Variants in DYNC2H1 observed in about 807,000 individuals in gnomAD.
DYNC2H1 encodes dynein cytoplasmic 2 heavy chain 1, also known as cytoplasmic dynein 2 heavy chain 1.
A neutral mutation model predicts 570.0 loss-of-function variants in DYNC2H1; 410 were observed. The observed-to-expected ratio is 0.72, with a 90% CI of 0.66 to 0.78. The LOEUF is 0.78. Ranked by LOEUF, DYNC2H1 falls within the 30% of genes least tolerant of loss-of-function variation. DYNC2H1 has a pLI of 0.00. For missense variants in DYNC2H1, 4,865 were observed against 5,046.4 expected (o/e 0.96, Z 1.09); for synonymous variants, 1,688 against 1,677.6 (o/e 1.01, Z -0.15).
At chr11:103,459,906 T>C (rs1944948215) in intron 87 of DYNC2H1, among the ~76,000 whole-genome samples, 1 of 137,784 alleles carries the variant, frequency 7.3e-6, no homozygotes, top group Middle Eastern at 3.6e-3. Flanking sequence ...GAGCCGAGAT[T>C]GCGCCACTGC....
chr11:103,301,423 G>C (rs1393990671), intron 75 of DYNC2H1, among the ~76,000 whole-genome samples: 2 of 151,884 alleles, frequency 1.3e-5, no homozygotes, highest in African/African-American at 2.4e-5. Flanking sequence ...AATTGGCCTA[G>C]ATGTTTATTG....
chr11:103,227,159 A>G (rs1287400949), intron 59 of DYNC2H1, among the ~76,000 whole-genome samples: 1 of 148,240 alleles, frequency 6.7e-6, no homozygotes, highest in African/African-American at 2.5e-5. Context: ...TATCTTTTGT[A>G]TTTTTTTTGT....
chr11:103,438,559 T>C (rs1437944003), intron 85 of DYNC2H1, among the ~76,000 whole-genome samples: 2 of 152,078 alleles, frequency 1.3e-5, no homozygotes, highest in East Asian at 3.9e-4. Flanking sequence ...TAGTTTAAGA[T>C]TTTAGGGTCT....
intron 88 of DYNC2H1, among the ~76,000 whole-genome samples, chr11:103,478,611 G>A (rs1481342884): frequency 3.3e-5 from 5 of 152,128 alleles, no homozygotes; most frequent in Non-Finnish European, 5.9e-5. Context: ...AGTTTCTTCT[G>A]CAAACAAATT....
At chr11:103,467,536 G>C (rs1011192331) in intron 87 of DYNC2H1, among the ~76,000 whole-genome samples, 3 of 151,390 alleles carry the variant, frequency 2.0e-5, no homozygotes, top group Admixed American at 6.6e-5. Context: ...GTTTTGTTTT[G>C]TTTTGTTTTG....
At chr11:103,296,297 A>C (rs1866822933) in intron 75 of DYNC2H1, among the ~76,000 whole-genome samples, 1 of 152,178 alleles carries the variant, frequency 6.6e-6, no homozygotes, top group Non-Finnish European at 1.5e-5. Flanking sequence ...CTCCTTCTTA[A>C]CTGTTGAGTC....
intron 34 of DYNC2H1, 93 bp from the exon 35 acceptor site, chr11:103,172,989 T>C: frequency 1.6e-6 from 1 of 621,804 alleles, no homozygotes; most frequent in South Asian, 5.9e-5. Context: ...GCATATTTTA[T>C]GTTTATAGTT....
chr11:103,165,327 C>T (rs2134941076), intron 30 of DYNC2H1, among the ~76,000 whole-genome samples: 1 of 152,218 alleles, frequency 6.6e-6, no homozygotes, highest in African/African-American at 2.4e-5. Context: ...CGGGGTTTCT[C>T]CATGTTAACC....
At position 103,286,395 on chromosome 11, in the gene DYNC2H1, T is replaced by C; in HGVS notation, c.11022+9T>C. 4.4e-6 allele frequency: 7 copies of C among 1,607,596 alleles called. No individual in the cohort carries two copies. The highest frequency in any genetic ancestry group is 5.9e-6 in the Non-Finnish European group (7 of 1,178,236). On this transcript the variant is annotated intron_variant, in intron 74 of 88. Coordinates refer to ENST00000375735, the MANE Select transcript of DYNC2H1 (RefSeq NM_001377.3). ...TTTCCTTATTTCAGCAGGTAAAATT[T>C]AGTGTTATCTAAATGCAAAAAAGTG...
At chr11:103,266,236 C>T (rs1865499937) in intron 70 of DYNC2H1, among the ~76,000 whole-genome samples, 1 of 152,080 alleles carries the variant, frequency 6.6e-6, no homozygotes, top group South Asian at 2.1e-4. Context: ...ACTAAATGGT[C>T]CCAGAGTGCC....
intron 13 of DYNC2H1, among the ~76,000 whole-genome samples, chr11:103,131,555 A>AT (rs1225905449): frequency 3.3e-5 from 5 of 150,840 alleles, no homozygotes; most frequent in African/African-American, 7.3e-5. Context: ...TTCTTTGGAT[A>AT]TTTTTTTTTC....
At chr11:103,180,377 A>G (rs12365377) in intron 39 of DYNC2H1, among the ~76,000 whole-genome samples, 7,520 of 151,736 alleles carry the variant, frequency 0.05, 251 homozygotes, top group Non-Finnish European at 0.071. Context: ...AAATTTATAC[A>G]ATTTATACAA....
chr11:103,163,027 G>A lies in DYNC2H1; in HGVS notation c.4492-1G>A. 2.5e-6 allele frequency: 4 copies of A among 1,607,732 alleles called. No homozygotes were observed. The highest frequency in any genetic ancestry group is 2.5e-6 in the Non-Finnish European group (3 of 1,176,646). On this transcript the variant is annotated splice_acceptor_variant, in intron 29 of 88. Transcript: ENST00000375735. LOFTEE classifies it high-confidence loss of function. This position sits in a 1 kb window ranked among gnomAD's most constrained non-coding sequence, Gnocchi z 4.6. ...ATATTATTTTCCAATTTCTTTTTCA[G>A]ACATGGTTGAATGATTTGGCCTTAG... is the stretch of plus-strand genomic sequence containing the variant.
chr11:103,123,101 A>C (rs1035642634), intron 11 of DYNC2H1, 101 bp downstream of exon 11: 1 of 978,738 alleles, frequency 1.0e-6, no homozygotes, highest in Non-Finnish European at 1.3e-6. Context: ...CAAACTTGCT[A>C]CTCCTCCTGT....
intron 84 of DYNC2H1, among the ~76,000 whole-genome samples, chr11:103,434,942 A>G (rs1382705247): frequency 6.6e-6 from 1 of 152,158 alleles, no homozygotes; most frequent in Non-Finnish European, 1.5e-5. Context: ...CTGGCATAGT[A>G]TCACTTTCTC....
At chr11:103,195,155 T>C (rs1456512852) in intron 47 of DYNC2H1, among the ~76,000 whole-genome samples, 1 of 152,224 alleles carries the variant, frequency 6.6e-6, no homozygotes, top group Non-Finnish European at 1.5e-5. Context: ...CTTTCACAGA[T>C]AAAAAGTTTT....
rs1388565914 is a variant in DYNC2H1 at position 103,113,624 on chromosome 11, A to G, written c.283A>G (p.Ile95Val). The change falls in exon 2 of 89, where the codon ATT (isoleucine) becomes GTT (valine). Residue 95 changes from isoleucine to valine, a missense_variant. Physicochemically the swap from Ile to Val is conservative, Grantham distance 29. Transcript: ENST00000375735. ...TACTGATGAGAATCTACATGATAAC[A>G]TTCTTGTTTCATCTATGTTAGAGTC... ...VITDENLHDNILVSSMLESPI... is the reference protein window; with the variant it reads ...VITDENLHDNVLVSSMLESPI... The G allele has an allele frequency of 6.3e-6, 10 of 1,575,836 alleles. 1 individual carries two copies. The highest frequency in any genetic ancestry group is 1.7e-4 in the Middle Eastern group (1 of 5,992).
intron 84 of DYNC2H1, among the ~76,000 whole-genome samples, chr11:103,433,602 G>A (rs1197831628): frequency 6.6e-6 from 1 of 152,040 alleles, no homozygotes; most frequent in African/African-American, 2.4e-5. Context: ...TAAGAGTCAT[G>A]TTTAAAAACT....
At position 103,289,623 on chromosome 11, in the gene DYNC2H1, C is replaced by T. The variant is rs1451561018; in HGVS notation, c.11095+2018C>T. On this transcript the variant is annotated intron_variant, in intron 75 of 88. Coordinates refer to ENST00000375735, the MANE Select transcript of DYNC2H1 (RefSeq NM_001377.3). The surrounding 1 kb of genome is among the most constrained non-coding windows in gnomAD (Gnocchi z 4.2). ...TAAATATTAAAAAATGAGCCAGGCA[C>T]GGTGGCATGTGCCTGTAGTTCCAGC... Among the ~76,000 whole-genome samples, 1 of 151,906 alleles carries T rather than the reference C, an allele frequency of 6.6e-6. No individual in the cohort carries two copies.
Sources: gnomAD v4.1 joint callset for allele counts (sites outside exome capture counted in the v4.1 genomes callset) on GRCh38, gnomAD v4.1.1 for gene constraint, Gnocchi (gnomAD v3.1) non-coding constraint, MANE v1.5 for transcripts, NCBI Gene and HGNC (gene_info 2026-07-23, HGNC 2026-07-21) for gene names.